Variants in LRMDA observed in about 807,000 individuals in gnomAD.
The protein encoded by LRMDA is leucine-rich melanocyte differentiation-associated protein.
Under a neutral mutation model 29.8 loss-of-function variants are expected in LRMDA, and 18 were observed. The ratio of observed to expected loss-of-function variants is 0.60; its 90% CI spans 0.42 to 0.90. The LOEUF (loss-of-function observed/expected upper bound fraction) is 0.90. LRMDA is among the 40% of genes least tolerant of loss of function. The pLI, the probability that LRMDA is intolerant of heterozygous loss-of-function variation, is 0.00. For synonymous variants in LRMDA, 125 were observed against 109.4 expected (o/e 1.14, Z -0.89); for missense variants, 273 against 273.9 (o/e 1.00, Z 0.02).
chr10:75,450,216 C>T (rs1329463607), intron 2 of LRMDA: 2 of 152,132 alleles, frequency 1.3e-5, no homozygotes, highest in African/African-American at 4.8e-5. Context: ...AGCACAAGGT[C>T]ACTTAGGGTT....
At chr10:75,632,490 A>G (rs1410100684) in intron 2 of LRMDA, among the ~76,000 whole-genome samples, 1 of 152,130 alleles carries the variant, frequency 6.6e-6, no homozygotes, top group Non-Finnish European at 1.5e-5. Context: ...AGTATCAGGG[A>G]TGGCTTTCCT....
chr10:76,328,291 C>T (rs1158618799), intron 6 of LRMDA, among the ~76,000 whole-genome samples: 2 of 152,126 alleles, frequency 1.3e-5, no homozygotes, highest in South Asian at 2.1e-4. Context: ...CAGGTATTGC[C>T]GTTCTTTATC....
At chr10:75,544,610 A>G (rs1393785292) in intron 2 of LRMDA, among the ~76,000 whole-genome samples, 3 of 152,172 alleles carry the variant, frequency 2.0e-5, no homozygotes, top group Non-Finnish European at 4.4e-5. Context: ...GACCTTAAGC[A>G]CTGGGGCAAG....
At chr10:75,796,602 C>T (rs993715107) in intron 2 of LRMDA, among the ~76,000 whole-genome samples, 1 of 152,120 alleles carries the variant, frequency 6.6e-6, no homozygotes, top group African/African-American at 2.4e-5. Context: ...GATAGAGTTT[C>T]ACTTTTGTCT....
intron 2 of LRMDA, among the ~76,000 whole-genome samples, chr10:75,716,900 G>A (rs992246463): frequency 6.6e-6 from 1 of 152,222 alleles, no homozygotes; most frequent in Non-Finnish European, 1.5e-5. Flanking sequence ...AAATGAGGGA[G>A]CACAGCAAAG....
chr10:75,614,381 C>T (rs1841073266), intron 2 of LRMDA, among the ~76,000 whole-genome samples: 1 of 152,192 alleles, frequency 6.6e-6, no homozygotes, highest in South Asian at 2.1e-4. Context: ...TGTGTCCCCA[C>T]TCTCCTCCAG....
At chr10:75,890,859 C>G (rs1403560800) in intron 2 of LRMDA, among the ~76,000 whole-genome samples, 1 of 151,556 alleles carries the variant, frequency 6.6e-6, no homozygotes. Flanking sequence ...AATTCCAGCA[C>G]TTTGGGAGGC....
intron 2 of LRMDA, 51 bp downstream of exon 2, chr10:75,438,545 T>G: frequency 7.0e-7 from 1 of 1,419,734 alleles, no homozygotes; most frequent in Non-Finnish European, 9.7e-7. Flanking sequence ...CCAGTCCTCC[T>G]GGGTACTTTA....
intron 2 of LRMDA, among the ~76,000 whole-genome samples, chr10:75,735,055 T>C (rs927343121): frequency 5.9e-5 from 9 of 152,216 alleles, no homozygotes; most frequent in African/African-American, 2.2e-4. Context: ...CACGCTGAAA[T>C]ATATGCTCAC....
At chr10:76,199,689 G>A (rs1851392974) in intron 5 of LRMDA, among the ~76,000 whole-genome samples, 1 of 152,080 alleles carries the variant, frequency 6.6e-6, no homozygotes, top group African/African-American at 2.4e-5. Flanking sequence ...AATGATTAGA[G>A]GACAATAATA....
intron 5 of LRMDA, among the ~76,000 whole-genome samples, chr10:76,079,182 G>C (rs769939969): frequency 6.6e-6 from 1 of 152,138 alleles, no homozygotes; most frequent in Non-Finnish European, 1.5e-5. Context: ...AAATGTTATA[G>C]ACTGAATATT....
chr10:76,179,677 T>A (rs1167001955), intron 5 of LRMDA, among the ~76,000 whole-genome samples: 4 of 152,152 alleles, frequency 2.6e-5, no homozygotes, highest in Non-Finnish European at 5.9e-5. Flanking sequence ...ACAGCTAGAA[T>A]CCACGGACAT....
intron 6 of LRMDA, among the ~76,000 whole-genome samples, chr10:76,373,571 T>G (rs1841481074): frequency 6.6e-6 from 1 of 152,230 alleles, no homozygotes; most frequent in Admixed American, 6.5e-5. Context: ...ATCTCCTGTG[T>G]TTTTTAAGTC....
chr10:76,109,552 C>G (rs1349801715), intron 5 of LRMDA, among the ~76,000 whole-genome samples: 5 of 152,184 alleles, frequency 3.3e-5, no homozygotes. Flanking sequence ...AACCACCCTA[C>G]CAGAAGCCCT....
chr10:75,862,776 A>G (rs1195147686), intron 2 of LRMDA, among the ~76,000 whole-genome samples: 1 of 152,186 alleles, frequency 6.6e-6, no homozygotes, highest in Non-Finnish European at 1.5e-5. Flanking sequence ...CAGGGCTGTA[A>G]TTGATCCTTT....
intron 6 of LRMDA, among the ~76,000 whole-genome samples, chr10:76,449,921 A>G (rs942910486): frequency 2.0e-5 from 3 of 151,992 alleles, no homozygotes; most frequent in African/African-American, 7.2e-5. Context: ...AAAATATATG[A>G]CTTTTCCAGA....
At chr10:76,039,830 T>C (rs977846343) in intron 3 of LRMDA, among the ~76,000 whole-genome samples, 2 of 152,218 alleles carry the variant, frequency 1.3e-5, no homozygotes, top group Admixed American at 1.3e-4. Flanking sequence ...TCTAGTAACA[T>C]AGTAAGTGCT....
intron 2 of LRMDA, among the ~76,000 whole-genome samples, chr10:76,009,422 A>G (rs1446342074): frequency 6.6e-6 from 1 of 152,234 alleles, no homozygotes; most frequent in East Asian, 1.9e-4. Flanking sequence ...AATGGTGCAG[A>G]AAAGTGTGAT....
chr10:76,350,764 C>T (rs1218420410), intron 6 of LRMDA, among the ~76,000 whole-genome samples: 3 of 152,040 alleles, frequency 2.0e-5, no homozygotes, highest in East Asian at 1.9e-4. Flanking sequence ...AGTGGTTTTG[C>T]GGTGTGGAAG....
Sources: allele counts gnomAD v4.1 joint callset (sites outside exome capture counted in the v4.1 genomes callset), GRCh38; gene constraint gnomAD v4.1.1; transcripts MANE v1.5; gene names NCBI Gene and HGNC (gene_info 2026-07-23, HGNC 2026-07-21).